The following DNAH12 variants were observed in gnomAD, a reference collection of about 807,000 sequenced individuals.
DNAH12 encodes the protein axonemal beta dynein heavy chain 12.
Under a neutral mutation model 371.5 loss-of-function variants are expected in DNAH12, and 285 were observed. That is an observed-to-expected ratio of 0.77 (90% CI 0.70 to 0.85). The LOEUF is 0.85. DNAH12 is among the 40% of genes least tolerant of loss of function. The pLI is 0.00. For missense variants in DNAH12, 3,611 were observed against 3,689.4 expected (o/e 0.98, Z 0.55); for synonymous variants, 1,200 against 1,213.0 (o/e 0.99, Z 0.22).
intron 62 of DNAH12, among the ~76,000 whole-genome samples, chr3:57,330,374 T>C (rs1696777008): frequency 6.6e-6 from 1 of 151,968 alleles, no homozygotes; most frequent in Admixed American, 6.6e-5. Context: ...CATAGAATAC[T>C]ATGCAGCCAT....
intron 32 of DNAH12, 53 bp from the exon 33 acceptor site, chr3:57,429,827 G>C: frequency 2.8e-6 from 4 of 1,434,256 alleles, no homozygotes; most frequent in Non-Finnish European, 3.7e-6. Flanking sequence ...AAGTTTCTCA[G>C]ATAAAAATTT....
At chr3:57,442,192 G>T (rs564482555) in intron 29 of DNAH12, among the ~76,000 whole-genome samples, 1 of 151,972 alleles carries the variant, frequency 6.6e-6, no homozygotes, top group Non-Finnish European at 1.5e-5. Flanking sequence ...AATACTAAAG[G>T]AAGTTTTTTA....
intron 65 of DNAH12, among the ~76,000 whole-genome samples, chr3:57,316,041 C>G (rs2061677523): frequency 6.6e-6 from 1 of 152,052 alleles, no homozygotes; most frequent in Non-Finnish European, 1.5e-5. Flanking sequence ...TAGTTTGCCA[C>G]AGTCCTGTTA....
intron 35 of DNAH12, among the ~76,000 whole-genome samples, chr3:57,422,743 A>C (rs555835933): frequency 2.6e-5 from 4 of 152,378 alleles, no homozygotes; most frequent in African/African-American, 7.2e-5. Context: ...CCACCTGTGA[A>C]AATGACACAT....
At chr3:57,486,523 T>C (rs1361947402) in intron 12 of DNAH12, among the ~76,000 whole-genome samples, 1 of 152,114 alleles carries the variant, frequency 6.6e-6, no homozygotes, top group Non-Finnish European at 1.5e-5. Flanking sequence ...GATTTTTTAG[T>C]TCATGCAGGA....
chr3:57,523,665 TA>T, intron 3 of DNAH12, 56 bp from the exon 4 acceptor site: 1 of 1,360,980 alleles, frequency 7.3e-7, no homozygotes, highest in Non-Finnish European at 9.7e-7. Flanking sequence ...AAAATTAATT[TA>T]AATTGTTTAA....
chr3:57,310,665 C>T (rs2061565357), intron 67 of DNAH12, 52 bp downstream of exon 67: 3 of 1,237,576 alleles, frequency 2.4e-6, no homozygotes, highest in Non-Finnish European at 3.5e-6. Flanking sequence ...TCACCATTTG[C>T]TGTTAGAAAA....
At chr3:57,430,511 CTA>C (rs961149659) in intron 32 of DNAH12, among the ~76,000 whole-genome samples, 2 of 152,108 alleles carry the variant, frequency 1.3e-5, no homozygotes, top group Non-Finnish European at 2.9e-5. Context: ...GTCTCTTAAT[CTA>C]AAACATTTCT....
chr3:57,504,557 G>A (rs924371311), intron 8 of DNAH12, among the ~76,000 whole-genome samples: 6 of 151,648 alleles, frequency 4.0e-5, no homozygotes, highest in Admixed American at 1.3e-4. Context: ...ACTACGGCGC[G>A]TGCCACCACA....
At position 57,333,305 on chromosome 3, in the gene DNAH12, G is replaced by A. The variant is rs139487482; in HGVS notation, c.9978+1160C>T. ...ATTATAGGCATGAGCCACCGTGCCC[G>A]GATACATGTTCTTTTTAAGGCAACT... On this transcript the variant is annotated intron_variant, in intron 62 of 73. Coordinates refer to ENST00000495027, the MANE Select transcript of DNAH12 (RefSeq NM_001366028.2). 8.3e-3 allele frequency among the ~76,000 whole-genome samples: 1,146 copies of A among 138,060 alleles called. 16 individuals are homozygous for A. Among genetic ancestry groups the A allele is most frequent in the African/African-American group, 0.034 (1,100 of 32,800 alleles). The allele number at this position is 138,060 out of a possible 152,430, so 90.6% of individuals were successfully genotyped here. A position where few individuals can be genotyped will look rare whatever the true frequency, so the allele number is the denominator to read the frequency against.
chr3:57,545,853 A>C (rs2069538433), upstream of DNAH12, among the ~76,000 whole-genome samples: 1 of 152,172 alleles, frequency 6.6e-6, no homozygotes, highest in Non-Finnish European at 1.5e-5. Context: ...AAAGGAACAA[A>C]GAAATGCCTT....
At chr3:57,354,064 G>A (rs965879000) in intron 59 of DNAH12, among the ~76,000 whole-genome samples, 3 of 152,206 alleles carry the variant, frequency 2.0e-5, no homozygotes, top group Admixed American at 6.5e-5. Flanking sequence ...ATAAAGACAC[G>A]TATGCGTATG....
In DNAH12 at chr3:57,405,145, T is replaced by A; in HGVS notation, c.6579A>T (p.Val2193=). 1 of 1,520,916 alleles carries A rather than the reference T, an allele frequency of 6.6e-7. No homozygotes were observed. Among genetic ancestry groups the A allele is most frequent in the Non-Finnish European group, 8.8e-7 (1 of 1,138,950 alleles). The allele number at this position is 1,520,916 out of a possible 1,614,324, so 94.2% of individuals were successfully genotyped here. A position where few individuals can be genotyped will look rare whatever the true frequency, so the allele number is the denominator to read the frequency against. Reference sequence around the variant, plus strand: ...TGAGATTTCTTAAGTCTTCTTCAGTTACCTATAGAAAGGAAATCAACAAAT... The same window carrying A: ...TGAGATTTCTTAAGTCTTCTTCAGTAACCTATAGAAAGGAAATCAACAAAT... ...FSHLRKQNAP[V]TEEDLRNLMF... is the part of the protein sequence containing the mutation. Residue 2193 remains valine (V), a splice_region_variant and synonymous_variant, in exon 42 of 74, where the codon GTA becomes GTT. Transcript: ENST00000495027.
At chr3:57,414,212 C>T (rs2064295457) in intron 38 of DNAH12, among the ~76,000 whole-genome samples, 1 of 152,146 alleles carries the variant, frequency 6.6e-6, no homozygotes, top group Non-Finnish European at 1.5e-5. Flanking sequence ...CAACATCATT[C>T]AAACATTTGT....
At chr3:57,452,153 G>A (rs893096411) in intron 25 of DNAH12, among the ~76,000 whole-genome samples, 5 of 152,062 alleles carry the variant, frequency 3.3e-5, no homozygotes, top group African/African-American at 7.2e-5. Flanking sequence ...GTCTGGTACC[G>A]ATACAGATAT....
At chr3:57,437,519 A>G (rs956503659) in intron 29 of DNAH12, among the ~76,000 whole-genome samples, 6 of 152,236 alleles carry the variant, frequency 3.9e-5, no homozygotes, top group Admixed American at 2.6e-4. Flanking sequence ...AGCCTTTCCT[A>G]GGTAAGCACA....
Position 57,453,306 on chromosome 3 carries a change from C to T in DNAH12, c.3554G>A (p.Gly1185Glu), listed in dbSNP as rs1418244188. 7.1e-6 allele frequency: 11 copies of T among 1,550,818 alleles called. No homozygotes were observed. Among genetic ancestry groups the T allele is most frequent in the Non-Finnish European group, 4.4e-6 (5 of 1,146,798 alleles). The change falls in exon 24 of 74, where the codon GGG becomes GAG. Residue 1185 changes from glycine (G) to glutamate (E), a missense_variant. By Grantham distance (98) the Gly-to-Glu change is moderately conservative. Transcript: ENST00000495027. ...ATGGACATCAATAGTAACCAAAGCCCCCAGAGTGGTCCTGGTCTGCTTAGA... is the reference window on the plus strand; with the variant it reads ...ATGGACATCAATAGTAACCAAAGCCTCCAGAGTGGTCCTGGTCTGCTTAGA... ...KLSKQTRTTL[G>E]ALVTIDVHAR...
At chr3:57,305,203 C>T (rs896095434) in intron 69 of DNAH12, among the ~76,000 whole-genome samples, 49 of 152,216 alleles carry the variant, frequency 3.2e-4, no homozygotes, top group Middle Eastern at 3.4e-3. Context: ...ATTGTTCCCT[C>T]CCTAGTCTCT....
intron 19 of DNAH12, 94 bp from the exon 20 acceptor site, chr3:57,459,880 T>C: frequency 1.9e-6 from 2 of 1,063,232 alleles, no homozygotes; most frequent in South Asian, 3.7e-5. Flanking sequence ...CTATTATTTT[T>C]AAATAAGTGC....
Sources: gnomAD v4.1 joint callset for allele counts (sites outside exome capture counted in the v4.1 genomes callset) on GRCh38, gnomAD v4.1.1 for gene constraint, MANE v1.5 for transcripts, NCBI Gene and HGNC (gene_info 2026-07-23, HGNC 2026-07-21) for gene names.